The following TMEM132C variants were observed in gnomAD, a reference collection of about 807,000 sequenced individuals.
TMEM132C encodes the protein protein phosphatase 1, regulatory subunit 152.
In TMEM132C, 29 loss-of-function variants were observed where a neutral mutation model predicts 61.4. That is an observed-to-expected ratio of 0.47 (90% CI 0.35 to 0.64). TMEM132C has a LOEUF of 0.64. TMEM132C is among the 30% of genes least tolerant of loss of function. TMEM132C has a pLI of 0.00. For missense variants in TMEM132C, 1,408 were observed against 1,476.9 expected (o/e 0.95, Z 0.76); for synonymous variants, 656 against 633.1 (o/e 1.04, Z -0.54).
chr12:128,353,313 G>A (rs934703635), intron 1 of TMEM132C, among the ~76,000 whole-genome samples: 3 of 152,194 alleles, frequency 2.0e-5, no homozygotes, highest in African/African-American at 7.2e-5. Context: ...AAAGACCAGA[G>A]ATGTGGTCGT....
intron 1 of TMEM132C, among the ~76,000 whole-genome samples, chr12:128,305,539 CTT>C (rs34692834): frequency 8.7e-4 from 123 of 141,552 alleles, no homozygotes; most frequent in Middle Eastern, 3.6e-3. Context: ...GGTTTTGTGG[CTT>C]TTTTTTTTTT....
At chr12:128,562,961 C>A (rs1874575491) in intron 3 of TMEM132C, among the ~76,000 whole-genome samples, 1 of 152,244 alleles carries the variant, frequency 6.6e-6, no homozygotes. Flanking sequence ...GATAGCTCAT[C>A]ACCACCATGA....
At chr12:128,308,258 A>C (rs537986192) in intron 1 of TMEM132C, among the ~76,000 whole-genome samples, 1 of 152,220 alleles carries the variant, frequency 6.6e-6, no homozygotes, top group African/African-American at 2.4e-5. Context: ...GCAGGAGTCC[A>C]TAATAGTCTG....
At chr12:128,323,236 A>G (rs1236303864) in intron 1 of TMEM132C, among the ~76,000 whole-genome samples, 1 of 152,236 alleles carries the variant, frequency 6.6e-6, no homozygotes, top group Non-Finnish European at 1.5e-5. Flanking sequence ...AACCAGAGCC[A>G]AGAATTCTAT....
At chr12:128,654,179 T>C (rs1348982532) in intron 4 of TMEM132C, among the ~76,000 whole-genome samples, 1 of 152,098 alleles carries the variant, frequency 6.6e-6, no homozygotes, top group African/African-American at 2.4e-5. Context: ...TACCATTGGG[T>C]TAAGATGAGG....
intron 4 of TMEM132C, among the ~76,000 whole-genome samples, chr12:128,629,766 G>A (rs546162386): frequency 1.4e-4 from 21 of 152,254 alleles, no homozygotes; most frequent in South Asian, 1.0e-3. Flanking sequence ...AGGGGTTTGC[G>A]ATCAGCCTGG....
At chr12:128,378,153 C>A (rs531564417) in intron 1 of TMEM132C, among the ~76,000 whole-genome samples, 1 of 151,296 alleles carries the variant, frequency 6.6e-6, no homozygotes, top group East Asian at 2.0e-4. Context: ...CTCGCTCTGT[C>A]GCCCAGGCTG....
chr12:128,401,129 G>A lies in TMEM132C; in HGVS notation c.86-13603G>A, dbSNP rs565993121. Among the ~76,000 whole-genome samples the A allele has an allele frequency of 3.3e-4, 50 of 152,280 alleles. 1 individual carries two copies. In the South Asian group the frequency reaches 0.01, roughly 31 times the overall value. ...CCTGTCACCTGTTTTGGTACAGGCT[G>A]CAAGCTAAATACGGTATTTACATTT... On this transcript the variant is annotated intron_variant, in intron 1 of 8. Coordinates refer to ENST00000435159, the MANE Select transcript of TMEM132C (RefSeq NM_001136103.3).
chr12:128,335,190 G>C (rs1420775430), intron 1 of TMEM132C, among the ~76,000 whole-genome samples: 1 of 152,176 alleles, frequency 6.6e-6, no homozygotes. Context: ...AGATGATGCT[G>C]CTTGGTGAAA....
intron 3 of TMEM132C, among the ~76,000 whole-genome samples, chr12:128,601,870 T>C (rs531692445): frequency 6.6e-6 from 1 of 152,236 alleles, no homozygotes; most frequent in East Asian, 1.9e-4. Flanking sequence ...AGAATCGTCA[T>C]TTGATAAGCA....
intron 4 of TMEM132C, among the ~76,000 whole-genome samples, chr12:128,641,291 C>A (rs1456133829): frequency 1.3e-5 from 2 of 152,194 alleles, no homozygotes; most frequent in African/African-American, 2.4e-5. Context: ...AGACATGTCC[C>A]CCCAGTGTCC....
intron 4 of TMEM132C, among the ~76,000 whole-genome samples, chr12:128,653,385 C>T (rs1179009858): frequency 6.6e-6 from 1 of 152,088 alleles, no homozygotes; most frequent in African/African-American, 2.4e-5. Flanking sequence ...ATGTGTGCAT[C>T]GTATGGTGTT....
chr12:128,350,201 T>C (rs1683737), intron 1 of TMEM132C, among the ~76,000 whole-genome samples: 130,077 of 152,090 alleles, frequency 0.86, 57,210 homozygotes, highest in East Asian at 1. Context: ...GAAACGTCTA[T>C]TTTTTTTCTT....
At chr12:128,529,317 C>T (rs1873200898) in intron 2 of TMEM132C, among the ~76,000 whole-genome samples, 1 of 152,012 alleles carries the variant, frequency 6.6e-6, no homozygotes, top group South Asian at 2.1e-4. Context: ...CTGGATCTAA[C>T]AGCTAGTTTA....
chr12:128,674,791 C>T (rs916791470), intron 5 of TMEM132C, among the ~76,000 whole-genome samples: 2 of 152,172 alleles, frequency 1.3e-5, no homozygotes, highest in Non-Finnish European at 2.9e-5. Flanking sequence ...GCAGTATACA[C>T]TGCACCATAT....
At position 128,326,352 on chromosome 12, in the gene TMEM132C, G is replaced by A. The variant is rs1256312477; in HGVS notation, c.85+58865G>A. ...AGTGTTGTTTTCCAAGTGTAGCAGGGTTTCACTTTTCGAGCTGCCAGATCT... is the reference window on the plus strand; with the variant it reads ...AGTGTTGTTTTCCAAGTGTAGCAGGATTTCACTTTTCGAGCTGCCAGATCT... On this transcript the variant is annotated intron_variant, in intron 1 of 8. Coordinates refer to ENST00000435159, the MANE Select transcript of TMEM132C (RefSeq NM_001136103.3). The surrounding 1 kb of genome is among the most constrained non-coding windows in gnomAD (Gnocchi z 5.6). Among the ~76,000 whole-genome samples, 2 of 152,144 alleles carry A rather than the reference G, an allele frequency of 1.3e-5. No homozygotes were observed. The highest frequency in any genetic ancestry group is 4.8e-5 in the African/African-American group (2 of 41,428).
intron 3 of TMEM132C, among the ~76,000 whole-genome samples, chr12:128,562,548 C>T (rs1005602200): frequency 7.9e-5 from 12 of 152,194 alleles, no homozygotes; most frequent in South Asian, 2.1e-4. Flanking sequence ...ATGGCAAAGA[C>T]GCCTCATTCA....
At chr12:128,635,091 A>AAAGC (rs1565997974) in intron 4 of TMEM132C, among the ~76,000 whole-genome samples, 2 of 152,236 alleles carry the variant, frequency 1.3e-5, no homozygotes, top group African/African-American at 2.4e-5. Flanking sequence ...CAAGTATTTT[A>AAAGC]AAGCAAGCAT....
In TMEM132C at chr12:128,267,197, C is replaced by T. The variant is rs1222626463; in HGVS notation, c.-206C>T. Among the ~76,000 whole-genome samples the T allele has an allele frequency of 1.4e-5, 2 of 146,776 alleles. No individual in the cohort carries two copies. Among genetic ancestry groups the T allele is most frequent in the Admixed American group, 1.4e-4 (2 of 14,798 alleles). On this transcript the variant is annotated 5_prime_UTR_variant, in exon 1 of 9. Coordinates refer to ENST00000435159, the MANE Select transcript of TMEM132C (RefSeq NM_001136103.3). ...AAAGTTGTCCCGGCCGGAGCGCGAG[C>T]AGCGGCGGAGCCGGAGCCGCCAGAG... is the stretch of plus-strand genomic sequence containing the variant.
Sources: allele counts gnomAD v4.1 joint callset (sites outside exome capture counted in the v4.1 genomes callset), GRCh38; gene constraint gnomAD v4.1.1; non-coding constraint Gnocchi (gnomAD v3.1); transcripts MANE v1.5; gene names NCBI Gene and HGNC (gene_info 2026-07-23, HGNC 2026-07-21).